GYG2: variants seen among roughly 807,000 people sequenced by gnomAD.
The protein encoded by GYG2 is glycogenin 2, also known as glycogenin-2.
GYG2 carries 29 observed loss-of-function variants against 29.4 expected under a neutral mutation model. That is an observed-to-expected ratio of 0.99 (90% confidence interval 0.74 to 1.35). The LOEUF is 1.35. Among genes scored for constraint, GYG2 ranks in the 40% most tolerant of loss-of-function variants. The pLI is 0.00. For synonymous variants in GYG2, 167 were observed against 172.3 expected (o/e 0.97, Z 0.24); for missense variants, 370 against 385.7 (o/e 0.96, Z 0.34).
intron 8 of GYG2, among the ~76,000 whole-genome samples, chrX:2,868,327 G>T (rs1000168994): frequency 1.9e-5 from 2 of 108,000 alleles, no homozygotes; most frequent in African/African-American, 6.7e-5. Flanking sequence ...GGCCAACACG[G>T]TGAAACCCTG....
chrX:2,864,987 G>A (rs1344691296), intron 8 of GYG2, among the ~76,000 whole-genome samples: 3 of 111,110 alleles, frequency 2.7e-5, no homozygotes, highest in African/African-American at 9.8e-5. Context: ...TTGAACTCCT[G>A]GCTTCAAGTG....
intron 3 of GYG2, among the ~76,000 whole-genome samples, chrX:2,846,036 C>CATATATATATATATATATATATATATAT (rs199823755): frequency 3.0e-5 from 1 of 33,056 alleles, no homozygotes; most frequent in Non-Finnish European, 5.4e-5. Context: ...TATATATACA[C>CATATATATATATATATATATATATATAT]ATATATATAT....
At chrX:2,846,036 C>CATATATATATATATATATATATATAT (rs199823755) in intron 3 of GYG2, among the ~76,000 whole-genome samples, 2 of 33,055 alleles carry the variant, frequency 6.1e-5, no homozygotes, top group East Asian at 9.4e-4. Context: ...TATATATACA[C>CATATATATATATATATATATATATAT]ATATATATAT....
intron 10 of GYG2, among the ~76,000 whole-genome samples, chrX:2,880,354 C>T (rs202231063): frequency 3.7e-5 from 4 of 107,316 alleles, no homozygotes; most frequent in South Asian, 4.1e-4. Context: ...TTTCATTTAA[C>T]GTAGTTTGGT....
At chrX:2,864,855 C>T (rs914173482) in intron 8 of GYG2, among the ~76,000 whole-genome samples, 8 of 109,800 alleles carry the variant, frequency 7.3e-5, no homozygotes, top group African/African-American at 1.3e-4. Flanking sequence ...CTCCACCGCC[C>T]GAGTCCAAGC....
intron 8 of GYG2, 43 bp from the exon 9 acceptor site, chrX:2,875,767 C>G (rs370133310): frequency 7.0e-6 from 6 of 861,183 alleles, no homozygotes; most frequent in Admixed American, 2.3e-5. Flanking sequence ...TTTATTTGCA[C>G]GAAGGTTTGA....
At chrX:2,880,519 C>A (rs922941812) in intron 10 of GYG2, among the ~76,000 whole-genome samples, 7 of 110,748 alleles carry the variant, frequency 6.3e-5, no homozygotes, top group African/African-American at 2.3e-4. Flanking sequence ...AAAAAGAGAA[C>A]ATATACAATT....
At chrX:2,863,022 T>G (rs1195688384) in intron 8 of GYG2, among the ~76,000 whole-genome samples, 1 of 107,364 alleles carries the variant, frequency 9.3e-6, no homozygotes, top group Non-Finnish European at 1.9e-5. Flanking sequence ...ATCTCACCAC[T>G]GCACTCCCGC....
intron 5 of GYG2, among the ~76,000 whole-genome samples, chrX:2,856,075 G>C (rs1177688124): frequency 1.8e-5 from 2 of 112,333 alleles, no homozygotes; most frequent in African/African-American, 3.2e-5. Context: ...GGCGTCAGTA[G>C]AGAGGAAATG....
intron 8 of GYG2, among the ~76,000 whole-genome samples, chrX:2,862,004 G>A (rs948925417): frequency 3.6e-5 from 4 of 111,813 alleles, no homozygotes. Flanking sequence ...GAGGGACCCT[G>A]AGCTGGGGAG....
chrX:2,842,309 C>T (rs1483540024), intron 2 of GYG2, among the ~76,000 whole-genome samples: 1 of 109,931 alleles, frequency 9.1e-6, no homozygotes, highest in Non-Finnish European at 1.9e-5. Context: ...ATCCGCCTGC[C>T]TCAGCCTCTC....
In GYG2 at chrX:2,877,411, A is replaced by G. The variant is rs748766776; in HGVS notation, c.1251+104A>G. ...CAACAGCTGTTAATTTTTCAGCCTC[A>G]TTTAACAAAAAATAAGAATCGGCTT... On this transcript the variant is annotated intron_variant, in intron 10 of 10. Transcript: ENST00000398806. The G allele has an allele frequency of 7.2e-6, 8 of 1,106,551 alleles. No homozygotes were observed. The African/African-American group carries it at 1.5e-4, about 21-fold the overall frequency. 91.2% of individuals were successfully genotyped at this position (1,106,551 alleles called of 1,213,427 possible).
intron 9 of GYG2, among the ~76,000 whole-genome samples, chrX:2,876,330 T>G (rs1200332331): frequency 9.0e-6 from 1 of 111,329 alleles, no homozygotes; most frequent in Admixed American, 9.6e-5. Flanking sequence ...GGATTTTATT[T>G]TAATTCTTTT....
rs373464718 is a variant in GYG2 at position 2,859,836 on chromosome X, T to A, written c.615-7T>A. 4.6e-5 allele frequency: 52 copies of A among 1,142,702 alleles called. No individual in the cohort carries two copies. Among genetic ancestry groups the A allele is most frequent in the Non-Finnish European group, 5.1e-5 (43 of 836,461 alleles). 94.2% of individuals were successfully genotyped at this position (1,142,702 alleles called of 1,213,427 possible). ...GGAAATCAGAATCCCTTCTGTTTCC[T>A]TCTCAGATTCGGTTCCAGTGCAAAG... On this transcript the variant is annotated splice_polypyrimidine_tract_variant and splice_region_variant and intron_variant, in intron 6 of 10. Coordinates refer to ENST00000398806, the MANE Select transcript of GYG2 (RefSeq NM_001079855.2).
chrX:2,863,576 A>G (rs1393782570), intron 8 of GYG2, among the ~76,000 whole-genome samples: 1 of 112,340 alleles, frequency 8.9e-6, no homozygotes, highest in African/African-American at 3.2e-5. Flanking sequence ...GCTCTGGAAG[A>G]CACCACACGC....
chrX:2,839,252 G>A (rs2087445327), intron 2 of GYG2, among the ~76,000 whole-genome samples: 1 of 111,494 alleles, frequency 9.0e-6, no homozygotes, highest in South Asian at 3.7e-4. Context: ...TGAGAATTCT[G>A]CAGAATTTCA....
intron 8 of GYG2, among the ~76,000 whole-genome samples, chrX:2,870,937 A>G (rs1295452616): frequency 2.7e-5 from 3 of 111,792 alleles, no homozygotes; most frequent in Non-Finnish European, 3.8e-5. Context: ...ACAGCCAGAC[A>G]TGGTAAATGA....
At chrX:2,854,427 G>GA (rs2087934056) in intron 4 of GYG2, among the ~76,000 whole-genome samples, 1 of 112,082 alleles carries the variant, frequency 8.9e-6, no homozygotes, top group African/African-American at 3.2e-5. Context: ...CGCCATGCTG[G>GA]CCGGGCTGTC....
At chrX:2,846,055 A>ATAT (rs2087723665) in intron 3 of GYG2, among the ~76,000 whole-genome samples, 4 of 38,675 alleles carry the variant, frequency 1.0e-4, no homozygotes, top group African/African-American at 2.9e-4. Context: ...ATATATATAT[A>ATAT]TTTTTTTTTT....
Sources: gnomAD v4.1 joint callset for allele counts (sites outside exome capture counted in the v4.1 genomes callset) on GRCh38, gnomAD v4.1.1 for gene constraint, MANE v1.5 for transcripts, NCBI Gene and HGNC (gene_info 2026-07-23, HGNC 2026-07-21) for gene names.